The following ADAMTSL1 variants were observed in gnomAD, a reference collection of about 807,000 sequenced individuals.
ADAMTSL1 encodes the protein ADAMTS-like protein 1.
ADAMTSL1 carries 126 observed loss-of-function variants against 201.8 expected under a neutral mutation model. The observed-to-expected ratio is 0.62, with a 90% CI of 0.54 to 0.72. ADAMTSL1 has a LOEUF of 0.72. ADAMTSL1 is among the 30% of genes least tolerant of loss of function. The probability of loss-of-function intolerance (pLI) is 0.00; values close to 1 mark genes in which losing one functional copy is unlikely to be tolerated. For missense variants in ADAMTSL1, 2,679 were observed against 2,277.8 expected (o/e 1.18, Z -3.59); for synonymous variants, 1,121 against 903.4 (o/e 1.24, Z -4.32).
intron 15 of ADAMTSL1, among the ~76,000 whole-genome samples, chr9:18,738,724 A>G (rs1009737485): frequency 6.6e-6 from 1 of 152,222 alleles, no homozygotes; most frequent in Admixed American, 6.5e-5. Flanking sequence ...GAAGCAAAAC[A>G]ATGAAATATT....
At chr9:17,907,948 T>C (rs900647239) in intron 1 of ADAMTSL1, among the ~76,000 whole-genome samples, 1 of 152,160 alleles carries the variant, frequency 6.6e-6, no homozygotes. Context: ...TAGCCTCCCT[T>C]TCCTCTGTTT....
intron 2 of ADAMTSL1, among the ~76,000 whole-genome samples, chr9:18,432,447 T>C (rs566815675): frequency 3.3e-4 from 50 of 152,336 alleles, no homozygotes; most frequent in South Asian, 6.2e-4. Context: ...AATTATCAAA[T>C]GCTTTGCTAA....
chr9:18,636,289 G>A (rs1239902559), intron 6 of ADAMTSL1, among the ~76,000 whole-genome samples: 4 of 152,086 alleles, frequency 2.6e-5, no homozygotes, highest in Non-Finnish European at 5.9e-5. Context: ...ATGCTCTTGC[G>A]AGTGTTATAT....
chr9:18,689,454 C>T (rs1234322731), intron 13 of ADAMTSL1, among the ~76,000 whole-genome samples: 1 of 151,992 alleles, frequency 6.6e-6, no homozygotes, highest in Non-Finnish European at 1.5e-5. Context: ...TCCTTAACTC[C>T]TTCAGGCAAC....
intron 1 of ADAMTSL1, among the ~76,000 whole-genome samples, chr9:17,977,252 C>G (rs980994026): frequency 3.3e-5 from 5 of 151,898 alleles, no homozygotes; most frequent in Non-Finnish European, 5.9e-5. Context: ...ATTTTTATGT[C>G]TATGTTCATC....
At chr9:18,688,689 A>AAAATATAT (rs1554730404) in intron 13 of ADAMTSL1, among the ~76,000 whole-genome samples, 1 of 8,652 alleles carries the variant, frequency 1.2e-4, no homozygotes, top group Non-Finnish European at 2.2e-4. Flanking sequence ...AAAAAAAAAA[A>AAAATATAT]ATATATATAT....
intron 3 of ADAMTSL1, among the ~76,000 whole-genome samples, chr9:18,548,475 G>C (rs1263994062): frequency 1.3e-5 from 2 of 152,008 alleles, no homozygotes; most frequent in African/African-American, 2.4e-5. Flanking sequence ...CTTCCTTCAG[G>C]CCTGAATTAC....
At chr9:18,367,826 G>A (rs149209096) in intron 2 of ADAMTSL1, among the ~76,000 whole-genome samples, 3 of 152,226 alleles carry the variant, frequency 2.0e-5, no homozygotes, top group Non-Finnish European at 4.4e-5. Flanking sequence ...TGGGTGGATG[G>A]ATGGGCGGGC....
chr9:18,148,587 G>C (rs766999581), intron 1 of ADAMTSL1, among the ~76,000 whole-genome samples: 1 of 151,888 alleles, frequency 6.6e-6, no homozygotes, highest in Non-Finnish European at 1.5e-5. Context: ...AATAAATAAA[G>C]AATTTTTTAT....
chr9:17,974,942 A>C (rs1383021166), intron 1 of ADAMTSL1, among the ~76,000 whole-genome samples: 1 of 152,006 alleles, frequency 6.6e-6, no homozygotes, highest in Non-Finnish European at 1.5e-5. Context: ...GAATCCTCAT[A>C]CATTTTTTCT....
chr9:18,817,539 G>T (rs1326381485), intron 21 of ADAMTSL1, among the ~76,000 whole-genome samples: 1 of 152,154 alleles, frequency 6.6e-6, no homozygotes, highest in African/African-American at 2.4e-5. Context: ...GTTCCAAGTG[G>T]ACACAGGAGA....
At chr9:18,521,172 G>A (rs1456663900) in intron 2 of ADAMTSL1, among the ~76,000 whole-genome samples, 8 of 152,096 alleles carry the variant, frequency 5.3e-5, no homozygotes, top group African/African-American at 1.9e-4. Flanking sequence ...ATAGGCAGGT[G>A]TTACCAGGTT....
intron 1 of ADAMTSL1, among the ~76,000 whole-genome samples, chr9:18,114,737 T>C (rs1338502919): frequency 6.6e-6 from 1 of 152,096 alleles, no homozygotes; most frequent in Non-Finnish European, 1.5e-5. Context: ...ACAAGAAACA[T>C]GTGGGAGAAA....
chr9:18,316,403 C>G (rs933273036), intron 2 of ADAMTSL1, among the ~76,000 whole-genome samples: 1 of 152,024 alleles, frequency 6.6e-6, no homozygotes, highest in Non-Finnish European at 1.5e-5. Flanking sequence ...GCAGTCTTGA[C>G]CATAAGAGAC....
At chr9:17,948,331 T>C (rs1225420940) in intron 1 of ADAMTSL1, among the ~76,000 whole-genome samples, 3 of 152,180 alleles carry the variant, frequency 2.0e-5, no homozygotes, top group African/African-American at 7.2e-5. Context: ...AAATACCAAA[T>C]GTGTGCTTCT....
At chr9:18,017,570 A>G (rs1295419999) in intron 1 of ADAMTSL1, among the ~76,000 whole-genome samples, 2 of 151,976 alleles carry the variant, frequency 1.3e-5, no homozygotes, top group Non-Finnish European at 2.9e-5. Flanking sequence ...CTCCGAAGCC[A>G]TGTATAGCTC....
At chr9:18,131,638 A>G (rs1398594083) in intron 1 of ADAMTSL1, among the ~76,000 whole-genome samples, 2 of 152,096 alleles carry the variant, frequency 1.3e-5, no homozygotes, top group African/African-American at 4.8e-5. Flanking sequence ...CTTATCCCTC[A>G]TAAGCTCTTG....
At chr9:18,321,718 G>A (rs1222224264) in intron 2 of ADAMTSL1, among the ~76,000 whole-genome samples, 2 of 151,000 alleles carry the variant, frequency 1.3e-5, no homozygotes, top group South Asian at 2.1e-4. Flanking sequence ...ACGTGAACCC[G>A]GGAGGCGGAG....
At chr9:18,004,337 A>G (rs1208962852) in intron 1 of ADAMTSL1, among the ~76,000 whole-genome samples, 1 of 151,966 alleles carries the variant, frequency 6.6e-6, no homozygotes, top group Non-Finnish European at 1.5e-5. Context: ...TTTATTTCTG[A>G]GCTCTGGCTG....
Sources: allele counts gnomAD v4.1 joint callset (sites outside exome capture counted in the v4.1 genomes callset), GRCh38; gene constraint gnomAD v4.1.1; transcripts MANE v1.5; gene names NCBI Gene and HGNC (gene_info 2026-07-23, HGNC 2026-07-21).